The following MYOM1 variants were observed in gnomAD, a reference collection of about 807,000 sequenced individuals.
The protein encoded by MYOM1 is myomesin 1, also known as myomesin-1.
MYOM1 carries 164 observed loss-of-function variants against 205.3 expected under a neutral mutation model. That is an observed-to-expected ratio of 0.80 (90% CI 0.70 to 0.91). The LOEUF is 0.91. Among genes scored for constraint, MYOM1 ranks in the 40% least tolerant of loss-of-function variants. The probability of loss-of-function intolerance (pLI) is 0.00; values close to 1 mark genes in which losing one functional copy is unlikely to be tolerated. For missense variants in MYOM1, 2,011 were observed against 2,127.3 expected (o/e 0.95, Z 1.08); for synonymous variants, 772 against 789.4 (o/e 0.98, Z 0.37).
the MYOM1 span, among the ~76,000 whole-genome samples, chr18:3,235,424 A>G: frequency 6.6e-6 from 1 of 152,136 alleles, no homozygotes; most frequent in African/African-American, 2.4e-5. Context: ...AAATAATACG[A>G]TTCTGAACAT....
intron 10 of MYOM1, among the ~76,000 whole-genome samples, chr18:3,156,417 G>A (rs1298597758): frequency 6.6e-6 from 1 of 152,194 alleles, no homozygotes; most frequent in Non-Finnish European, 1.5e-5. Flanking sequence ...TATCTGTGAA[G>A]AGCTCAAGCC....
At chr18:3,113,172 A>G (rs12958202) in intron 21 of MYOM1, among the ~76,000 whole-genome samples, 11,509 of 18,374 alleles carry the variant, frequency 0.63, 4,057 homozygotes, top group East Asian at 0.93. Context: ...GTCCCACTTC[A>G]TGTATATATA....
At chr18:3,134,849 A>G in intron 15 of MYOM1, 25 bp from the exon 16 acceptor site, 1 of 1,613,438 alleles carries the variant, frequency 6.2e-7, no homozygotes. Context: ...AATGGTGATC[A>G]AACTCAAGTG....
intron 29 of MYOM1, among the ~76,000 whole-genome samples, chr18:3,086,538 T>C (rs2079156464): frequency 6.6e-6 from 1 of 152,196 alleles, no homozygotes; most frequent in African/African-American, 2.4e-5. Flanking sequence ...CAAATGGCTT[T>C]ATTAAAGGAA....
chr18:3,208,940 T>G (rs1387149353), intron 2 of MYOM1, among the ~76,000 whole-genome samples: 1 of 152,206 alleles, frequency 6.6e-6, no homozygotes, highest in Non-Finnish European at 1.5e-5. Context: ...TATCAGCAGC[T>G]TCCTAAGCAA....
intron 10 of MYOM1, among the ~76,000 whole-genome samples, chr18:3,157,688 ATAAT>A (rs2080322259): frequency 3.8e-5 from 4 of 105,364 alleles, no homozygotes; most frequent in African/African-American, 7.8e-5. Flanking sequence ...AAAAATAATA[ATAAT>A]AATAATAATA....
chr18:3,083,830 T>C lies in MYOM1; in HGVS notation c.4443A>G (p.Val1481=). ...CTTTCAAATCCTCCACATAGTAAGT[T>C]ACAAAAGAGTACAGTTGGATGCCCT... ...TAEGIQLYSF[V]TYYVEDLKVN... The change falls in exon 33 of 38, where the codon GTA becomes GTG. Residue 1481 remains valine (V), a synonymous_variant. Coordinates refer to ENST00000356443, the MANE Select transcript of MYOM1 (RefSeq NM_003803.4). 2 of 1,581,380 alleles carry C rather than the reference T, an allele frequency of 1.3e-6. No homozygotes were observed. Among genetic ancestry groups the C allele is most frequent in the African/African-American group, 1.3e-5 (1 of 74,500 alleles).
At chr18:3,157,366 C>T (rs1041130768) in intron 10 of MYOM1, among the ~76,000 whole-genome samples, 10 of 152,108 alleles carry the variant, frequency 6.6e-5, no homozygotes, top group Admixed American at 5.9e-4. Context: ...TCATTCAGTA[C>T]TCTTCTAGGT....
intron 36 of MYOM1, among the ~76,000 whole-genome samples, chr18:3,074,028 C>G (rs974636018): frequency 3.9e-5 from 6 of 152,122 alleles, no homozygotes; most frequent in Non-Finnish European, 8.8e-5. Flanking sequence ...CCATAGCTTA[C>G]AAAAGTTTAC....
chr18:3,166,389 G>C (rs1034884784), intron 9 of MYOM1, among the ~76,000 whole-genome samples: 5 of 151,222 alleles, frequency 3.3e-5, no homozygotes, highest in Middle Eastern at 3.2e-3. Flanking sequence ...TAGTGCCTCA[G>C]CCTCCTGAGT....
At chr18:3,197,984 A>G (rs943943710) in intron 2 of MYOM1, among the ~76,000 whole-genome samples, 1 of 152,248 alleles carries the variant, frequency 6.6e-6, no homozygotes, top group African/African-American at 2.4e-5. Flanking sequence ...CATACTGCCC[A>G]TGATGACTTT....
At chr18:3,092,671 A>G (rs2079241687) in intron 26 of MYOM1, among the ~76,000 whole-genome samples, 1 of 152,172 alleles carries the variant, frequency 6.6e-6, no homozygotes, top group Non-Finnish European at 1.5e-5. Flanking sequence ...AATGTCACAG[A>G]ATGAAGGCTC....
intron 9 of MYOM1, among the ~76,000 whole-genome samples, chr18:3,166,597 C>T (rs1272283876): frequency 1.3e-5 from 2 of 152,090 alleles, no homozygotes; most frequent in Non-Finnish European, 2.9e-5. Flanking sequence ...AGTCTGATCT[C>T]TTTCACTAAC....
intron 9 of MYOM1, among the ~76,000 whole-genome samples, chr18:3,167,368 A>C (rs10853290): frequency 0.12 from 17,811 of 151,996 alleles, 2,462 homozygotes; most frequent in African/African-American, 0.34. Flanking sequence ...ATTTATTGTT[A>C]TTTTATTTTA....
At chr18:3,178,297 A>G (rs2080678896) in intron 5 of MYOM1, among the ~76,000 whole-genome samples, 1 of 152,150 alleles carries the variant, frequency 6.6e-6, no homozygotes, top group Non-Finnish European at 1.5e-5. Flanking sequence ...GCTGTTTTTA[A>G]CCTCATTTTC....
intron 18 of MYOM1, among the ~76,000 whole-genome samples, chr18:3,127,301 ATATATTTTTTTT>A (rs1233070884): frequency 1.2e-3 from 58 of 47,910 alleles, no homozygotes; most frequent in African/African-American, 5.9e-3. Flanking sequence ...ATATATATAT[ATATATTTTTTTT>A]TTTTTTTTTT....
At chr18:3,164,549 C>T (rs992137329) in intron 9 of MYOM1, 110 bp from the exon 10 acceptor site, 5 of 1,055,462 alleles carry the variant, frequency 4.7e-6, no homozygotes, top group Non-Finnish European at 6.7e-6. Flanking sequence ...AGTAATTTAA[C>T]TACTAGAGGA....
intron 5 of MYOM1, among the ~76,000 whole-genome samples, chr18:3,186,802 G>GAGAA (rs10655152): frequency 0.55 from 75,763 of 138,432 alleles, 20,328 homozygotes; most frequent in East Asian, 0.7. Context: ...AAGAAAGAAA[G>GAGAA]AGAAAGAAAG....
At chr18:3,182,871 T>C (rs1348728621) in intron 5 of MYOM1, among the ~76,000 whole-genome samples, 1 of 151,068 alleles carries the variant, frequency 6.6e-6, no homozygotes, top group Non-Finnish European at 1.5e-5. Flanking sequence ...AGCTTCACGG[T>C]AGGGGTGCAG....
Sources: allele counts gnomAD v4.1 joint callset (sites outside exome capture counted in the v4.1 genomes callset), GRCh38; gene constraint gnomAD v4.1.1; transcripts MANE v1.5; gene names NCBI Gene and HGNC (gene_info 2026-07-23, HGNC 2026-07-21).